Variants in TNRC6A observed in about 807,000 individuals in gnomAD.
TNRC6A encodes the protein trinucleotide repeat containing adaptor 6A.
A neutral mutation model predicts 221.2 loss-of-function variants in TNRC6A; 44 were observed. The ratio of observed to expected loss-of-function variants is 0.20; its 90% CI spans 0.16 to 0.26. TNRC6A has a LOEUF of 0.26. Ranked by LOEUF, TNRC6A falls within the 10% of genes least tolerant of loss-of-function variation. The pLI is 1.00. For missense variants in TNRC6A, 2,199 were observed against 2,404.4 expected (o/e 0.91, Z 1.79); for synonymous variants, 847 against 838.5 (o/e 1.01, Z -0.18).
chr16:24,811,696 G>A (rs1435203208), intron 18 of TNRC6A, among the ~76,000 whole-genome samples: 1 of 151,956 alleles, frequency 6.6e-6, no homozygotes, highest in East Asian at 1.9e-4. Context: ...GCAGTGTGGA[G>A]AATTGGAGTA....
At chr16:24,629,336 C>T (rs1352941026) in intron 1 of TNRC6A, among the ~76,000 whole-genome samples, 1 of 152,106 alleles carries the variant, frequency 6.6e-6, no homozygotes. Context: ...CAAACAGAAT[C>T]GCTAAGTGCT....
chr16:24,768,850 C>A (rs1233701731), intron 4 of TNRC6A, among the ~76,000 whole-genome samples: 1 of 152,098 alleles, frequency 6.6e-6, no homozygotes, highest in East Asian at 1.9e-4. Flanking sequence ...TAGACTTTGA[C>A]AGATAGGAAT....
At chr16:24,735,249 AGC>A (rs2056738550) in intron 2 of TNRC6A, among the ~76,000 whole-genome samples, 2 of 152,226 alleles carry the variant, frequency 1.3e-5, no homozygotes, top group Admixed American at 6.5e-5. Flanking sequence ...ACTGCGCTCC[AGC>A]CTGGGCAACA....
intron 4 of TNRC6A, among the ~76,000 whole-genome samples, chr16:24,774,433 G>A (rs978603251): frequency 1.3e-5 from 2 of 152,208 alleles, no homozygotes; most frequent in African/African-American, 4.8e-5. Context: ...CAGAAGTACA[G>A]CAGTTACTTG....
chr16:24,757,022 C>G (rs2057265821), intron 3 of TNRC6A, among the ~76,000 whole-genome samples: 1 of 152,122 alleles, frequency 6.6e-6, no homozygotes, highest in Non-Finnish European at 1.5e-5. Context: ...ACTAACTTCT[C>G]TCTAATAAGA....
chr16:24,643,110 A>T (rs372575195), intron 2 of TNRC6A, among the ~76,000 whole-genome samples: 11,290 of 56,136 alleles, frequency 0.2, 1,056 homozygotes, highest in African/African-American at 0.45. Flanking sequence ...ATATATATAA[A>T]ATATATATAT....
intron 22 of TNRC6A, chr16:24,821,874 C>T (rs574459565): frequency 3.8e-5 from 22 of 582,688 alleles, no homozygotes; most frequent in African/African-American, 2.6e-4. Context: ...AGCTCACTGT[C>T]GCCAGAGGCA....
intron 2 of TNRC6A, among the ~76,000 whole-genome samples, chr16:24,730,608 G>T (rs2056610755): frequency 6.6e-6 from 1 of 152,000 alleles, no homozygotes; most frequent in African/African-American, 2.4e-5. Flanking sequence ...GTAAATGGTT[G>T]CAGGCATTGT....
At chr16:24,806,473 C>A in intron 16 of TNRC6A, 101 bp from the exon 17 acceptor site, 1 of 1,457,350 alleles carries the variant, frequency 6.9e-7, no homozygotes, top group Non-Finnish European at 9.5e-7. Context: ...ATTCACCTTT[C>A]TGCTGAGACG....
intron 4 of TNRC6A, among the ~76,000 whole-genome samples, chr16:24,764,150 T>TG (rs2057421883): frequency 6.7e-6 from 1 of 148,272 alleles, no homozygotes; most frequent in Non-Finnish European, 1.5e-5. Flanking sequence ...TTTGACTGTT[T>TG]TTTTTTTTTA....
chr16:24,715,067 G>A (rs1248029242), intron 2 of TNRC6A, among the ~76,000 whole-genome samples: 2 of 151,370 alleles, frequency 1.3e-5, no homozygotes, highest in Non-Finnish European at 2.9e-5. Context: ...TAGTAGAGAC[G>A]GGGTTTCACC....
Position 24,790,557 on chromosome 16 carries a change from A to G in TNRC6A, c.1915A>G (p.Asn639Asp), listed in dbSNP as rs371231691. 2.4e-5 allele frequency: 38 copies of G among 1,614,238 alleles called. No individual in the cohort carries two copies. Among genetic ancestry groups the G allele is most frequent in the Non-Finnish European group, 3.2e-5 (38 of 1,180,050 alleles). The change falls in exon 6 of 25, where the codon AAT (asparagine) becomes GAT (aspartate). Residue 639 changes from asparagine to aspartate, a missense_variant. Transcript: ENST00000395799. ...SANGNGKTFT[N>D]GWKSTEEEDQ... ...AAATGGCAATGGTAAGACGTTTACA[A>G]ATGGATGGAAATCTACTGAGGAAGA...
At chr16:24,691,643 C>G (rs554261812) in intron 2 of TNRC6A, among the ~76,000 whole-genome samples, 8 of 152,194 alleles carry the variant, frequency 5.3e-5, no homozygotes, top group Admixed American at 5.2e-4. Context: ...TGGTGCATGC[C>G]TGTAGTCCCA....
At chr16:24,752,949 A>G (rs2057169777) in intron 3 of TNRC6A, among the ~76,000 whole-genome samples, 1 of 152,210 alleles carries the variant, frequency 6.6e-6, no homozygotes. Flanking sequence ...ATTTTAAGAA[A>G]GGGAGGGGTC....
chr16:24,772,847 T>C (rs993253170), intron 4 of TNRC6A, among the ~76,000 whole-genome samples: 3 of 152,220 alleles, frequency 2.0e-5, no homozygotes, highest in Non-Finnish European at 4.4e-5. Flanking sequence ...CTGATCCTGA[T>C]GGACACTTTC....
At chr16:24,780,034 T>A (rs1372064223) in intron 5 of TNRC6A, among the ~76,000 whole-genome samples, 2 of 152,120 alleles carry the variant, frequency 1.3e-5, no homozygotes, top group Non-Finnish European at 2.9e-5. Flanking sequence ...AATAACTGTT[T>A]AATATGGGGG....
At chr16:24,757,700 A>G (rs2057282387) in intron 3 of TNRC6A, among the ~76,000 whole-genome samples, 1 of 152,240 alleles carries the variant, frequency 6.6e-6, no homozygotes, top group Admixed American at 6.5e-5. Context: ...CAGTGAAAGC[A>G]GAGTTCATGT....
At chr16:24,718,062 GC>G (rs2056347195) in intron 2 of TNRC6A, among the ~76,000 whole-genome samples, 1 of 152,102 alleles carries the variant, frequency 6.6e-6, no homozygotes, top group Non-Finnish European at 1.5e-5. Context: ...ACAGGCATGT[GC>G]CCCCACGGCC....
At chr16:24,660,733 T>A (rs2055011120) in intron 2 of TNRC6A, among the ~76,000 whole-genome samples, 1 of 132,146 alleles carries the variant, frequency 7.6e-6, no homozygotes, top group African/African-American at 3.2e-5. Flanking sequence ...TTTTTCTTTT[T>A]TTTTTCTTTT....
Sources: allele counts gnomAD v4.1 joint callset (sites outside exome capture counted in the v4.1 genomes callset), GRCh38; gene constraint gnomAD v4.1.1; transcripts MANE v1.5; gene names NCBI Gene and HGNC (gene_info 2026-07-23, HGNC 2026-07-21).